The following MAGI1 variants were observed in gnomAD, a reference collection of about 807,000 sequenced individuals.
MAGI1 encodes membrane associated guanylate kinase, WW and PDZ domain containing 1, also known as membrane-associated guanylate kinase, WW and PDZ domain-containing protein 1.
In MAGI1, 58 loss-of-function variants were observed where a neutral mutation model predicts 139.9. That is an observed-to-expected ratio of 0.41 (90% CI 0.34 to 0.52). The LOEUF (loss-of-function observed/expected upper bound fraction) is 0.52. Ranked by LOEUF, MAGI1 falls within the 20% of genes least tolerant of loss-of-function variation. MAGI1 has a pLI of 0.12. For missense variants in MAGI1, 1,874 were observed against 1,901.6 expected (o/e 0.99, Z 0.27); for synonymous variants, 812 against 737.9 (o/e 1.10, Z -1.63).
intron 2 of MAGI1, among the ~76,000 whole-genome samples, chr3:65,619,552 T>G (rs557139652): frequency 6.6e-6 from 1 of 152,270 alleles, no homozygotes; most frequent in East Asian, 1.9e-4. Context: ...ATATACAGAT[T>G]ACACGAGCCC....
chr3:65,621,976 C>A lies in MAGI1; in HGVS notation c.426G>T (p.Val142=). The A allele has an allele frequency of 6.2e-7, 1 of 1,608,106 alleles. No individual in the cohort carries two copies. The highest frequency in any genetic ancestry group is 8.5e-7 in the Non-Finnish European group (1 of 1,175,334). ...TGCCAAAGTCCAACTACTTACAAGG[C>A]ACAGCATGGCGGTAAAGGTTATCCC... ...TIRDNLYRHA[V]PCTTRSPREG... Residue 142 remains valine (V), a synonymous_variant, in exon 2 of 23, where the codon GTG becomes GTT. Coordinates refer to ENST00000402939, the MANE Select transcript of MAGI1 (RefSeq NM_001033057.2).
chr3:65,360,935 G>A lies in MAGI1; in HGVS notation c.3634+264C>T, dbSNP rs539058399. 44 of 1,403,920 alleles carry A rather than the reference G, an allele frequency of 3.1e-5. 1 individual carries two copies. The highest frequency in any genetic ancestry group is 5.3e-4 in the Middle Eastern group (2 of 3,766). The allele number at this position is 1,403,920 out of a possible 1,614,324, so 87.0% of individuals were successfully genotyped here. A position where few individuals can be genotyped will look rare whatever the true frequency, so the allele number is the denominator to read the frequency against. ...ACAAACATTCCTTCGCTCTTGGTCGGACTAGACAAAACGTTCTCTCTGATT... is the reference window on the plus strand; with the variant it reads ...ACAAACATTCCTTCGCTCTTGGTCGAACTAGACAAAACGTTCTCTCTGATT... On this transcript the variant is annotated intron_variant, in intron 22 of 22. Transcript: ENST00000402939.
intron 1 of MAGI1, among the ~76,000 whole-genome samples, chr3:66,012,717 G>C (rs890636664): frequency 3.4e-5 from 5 of 148,040 alleles, no homozygotes; most frequent in African/African-American, 1.2e-4. Flanking sequence ...AGTAAGCCAA[G>C]ATCGTGCTAC....
At chr3:66,018,662 G>A (rs1453906977) in intron 1 of MAGI1, among the ~76,000 whole-genome samples, 1 of 152,174 alleles carries the variant, frequency 6.6e-6, no homozygotes, top group African/African-American at 2.4e-5. Context: ...GCCTTTGGTG[G>A]CCGCTGATGG....
chr3:65,493,053 G>C (rs1463538454), intron 3 of MAGI1, among the ~76,000 whole-genome samples: 3 of 150,134 alleles, frequency 2.0e-5, no homozygotes, highest in African/African-American at 4.9e-5. Flanking sequence ...ACTCCAGCCT[G>C]GGCGACAGAG....
intron 1 of MAGI1, among the ~76,000 whole-genome samples, chr3:65,664,489 A>G (rs927394925): frequency 6.6e-6 from 1 of 152,248 alleles, no homozygotes; most frequent in Admixed American, 6.5e-5. Flanking sequence ...TCTGGCCAAG[A>G]TAAATTAAAT....
At chr3:65,505,542 G>C (rs543485775) in intron 2 of MAGI1, among the ~76,000 whole-genome samples, 2 of 151,850 alleles carry the variant, frequency 1.3e-5, no homozygotes, top group Admixed American at 6.6e-5. Context: ...AAACTCGGGA[G>C]GCTGAAGTGG....
At chr3:65,764,747 C>T (rs1216105000) in intron 1 of MAGI1, among the ~76,000 whole-genome samples, 2 of 151,948 alleles carry the variant, frequency 1.3e-5, no homozygotes, top group Non-Finnish European at 1.5e-5. Flanking sequence ...AAAGTCGTGT[C>T]ATTTAACTTG....
intron 13 of MAGI1, 49 bp from the exon 14 acceptor site, chr3:65,391,407 T>G: frequency 6.7e-7 from 1 of 1,493,748 alleles, no homozygotes; most frequent in Non-Finnish European, 9.3e-7. Flanking sequence ...TATTATTGGT[T>G]CTCTGAATGG....
intron 18 of MAGI1, among the ~76,000 whole-genome samples, chr3:65,372,333 T>C (rs1039204739): frequency 6.6e-6 from 1 of 151,996 alleles, no homozygotes; most frequent in East Asian, 1.9e-4. Context: ...TGAAAGAAAT[T>C]TTTTTCCCCT....
In MAGI1 at chr3:65,733,078, T is replaced by C. The variant is rs930255085; in HGVS notation, c.314-110990A>G. ...TTGTTTTTGTTTGTTTTTTTTGAGA[T>C]GGAGTTTTGCTCCCAAGCTGGAGTG... On this transcript the variant is annotated intron_variant, in intron 1 of 22. Transcript: ENST00000402939. Among the ~76,000 whole-genome samples, 7 of 152,238 alleles carry C rather than the reference T, an allele frequency of 4.6e-5. No individual in the cohort carries two copies. The East Asian group carries it at 7.7e-4, about 17-fold the overall frequency.
At chr3:65,959,406 C>A (rs971236291) in intron 1 of MAGI1, among the ~76,000 whole-genome samples, 2 of 152,052 alleles carry the variant, frequency 1.3e-5, no homozygotes, top group African/African-American at 4.8e-5. Flanking sequence ...TTCCCCAGGG[C>A]AAGGCACTAT....
chr3:65,978,598 T>C (rs2065381517), intron 1 of MAGI1, among the ~76,000 whole-genome samples: 1 of 149,988 alleles, frequency 6.7e-6, no homozygotes, highest in Non-Finnish European at 1.5e-5. Context: ...AATCCTACAA[T>C]GGGGTGACTC....
chr3:65,856,309 C>G (rs950153235), intron 1 of MAGI1, among the ~76,000 whole-genome samples: 3 of 127,510 alleles, frequency 2.4e-5, no homozygotes, highest in African/African-American at 8.6e-5. Flanking sequence ...TCCCTGTATA[C>G]TCATAACTTT....
At chr3:65,583,129 G>C (rs558238179) in intron 2 of MAGI1, among the ~76,000 whole-genome samples, 1 of 152,038 alleles carries the variant, frequency 6.6e-6, no homozygotes, top group African/African-American at 2.4e-5. Flanking sequence ...TCAAAATTGG[G>C]GTCCACTTTA....
intron 2 of MAGI1, among the ~76,000 whole-genome samples, chr3:65,528,010 A>G (rs1384266160): frequency 1.3e-5 from 2 of 152,202 alleles, no homozygotes; most frequent in Non-Finnish European, 1.5e-5. Context: ...TTCACATAAA[A>G]CAAAGGCATT....
Position 65,897,390 on chromosome 3 carries a change from T to G in MAGI1, c.313+140606A>C, listed in dbSNP as rs1468944566. Among the ~76,000 whole-genome samples, 4 of 151,832 alleles carry G rather than the reference T, an allele frequency of 2.6e-5. No homozygotes were observed. The East Asian group carries it at 7.8e-4, about 30-fold the overall frequency. ...CTCCCAGAAAACCAAACACCGCATG[T>G]TCTCACTCACAGGTGGGAATTCAAC... On this transcript the variant is annotated intron_variant, in intron 1 of 22. Transcript: ENST00000402939.
intron 1 of MAGI1, among the ~76,000 whole-genome samples, chr3:65,713,702 T>C (rs558882904): frequency 6.6e-6 from 1 of 152,326 alleles, no homozygotes; most frequent in South Asian, 2.1e-4. Flanking sequence ...CATTCATTTA[T>C]GTATTCATTC....
At chr3:65,398,055 T>G (rs1173502840) in intron 13 of MAGI1, among the ~76,000 whole-genome samples, 1 of 152,214 alleles carries the variant, frequency 6.6e-6, no homozygotes, top group African/African-American at 2.4e-5. Context: ...ACGGTTTGTT[T>G]GCAAACTGCA....
Sources: gnomAD v4.1 joint callset for allele counts (sites outside exome capture counted in the v4.1 genomes callset) on GRCh38, gnomAD v4.1.1 for gene constraint, MANE v1.5 for transcripts, NCBI Gene and HGNC (gene_info 2026-07-23, HGNC 2026-07-21) for gene names.